The following MYH15 variants were observed in gnomAD, a reference collection of about 807,000 sequenced individuals.
MYH15 encodes the protein myosin-15.
In MYH15, 227 loss-of-function variants were observed where a neutral mutation model predicts 240.5. The ratio of observed to expected loss-of-function variants is 0.94; its 90% CI spans 0.85 to 1.05. The LOEUF (loss-of-function observed/expected upper bound fraction) is 1.05. Ranked by LOEUF, MYH15 falls within the 50% of genes least tolerant of loss-of-function variation. The pLI, the probability that MYH15 is intolerant of heterozygous loss-of-function variation, is 0.00. For synonymous variants in MYH15, 785 were observed against 796.7 expected (o/e 0.99, Z 0.25); for missense variants, 2,217 against 2,247.5 (o/e 0.99, Z 0.27).
At chr3:108,466,281 A>C (rs116483594) in intron 14 of MYH15, among the ~76,000 whole-genome samples, 4,260 of 152,302 alleles carry the variant, frequency 0.028, 177 homozygotes, top group African/African-American at 0.091. Flanking sequence ...GGTGTGTAGG[A>C]AAATTTTATT....
intron 32 of MYH15, among the ~76,000 whole-genome samples, chr3:108,405,759 C>A (rs1269609602): frequency 6.6e-6 from 1 of 152,012 alleles, no homozygotes; most frequent in African/African-American, 2.4e-5. Flanking sequence ...AATGTATTAC[C>A]CTTGACTTTT....
intron 5 of MYH15, 94 bp downstream of exon 5, chr3:108,499,361 T>C: frequency 2.4e-6 from 3 of 1,270,138 alleles, no homozygotes; most frequent in Non-Finnish European, 3.4e-6. Context: ...AATTCAAAGA[T>C]GGCGAATCAA....
chr3:108,408,896 G>T (rs1206133720), intron 31 of MYH15, among the ~76,000 whole-genome samples: 1 of 152,218 alleles, frequency 6.6e-6, no homozygotes, highest in Non-Finnish European at 1.5e-5. Context: ...GAATCAGAAG[G>T]GGCCCAAGGA....
chr3:108,401,813 G>C (rs1256771708), intron 33 of MYH15, among the ~76,000 whole-genome samples: 1 of 152,230 alleles, frequency 6.6e-6, no homozygotes, highest in African/African-American at 2.4e-5. Context: ...CAGTCCTGTA[G>C]AATGGCTGCT....
In MYH15 at chr3:108,430,542, C is replaced by A. The variant is rs373136890; in HGVS notation, c.3312+290G>T. On this transcript the variant is annotated intron_variant, in intron 26 of 40. Coordinates refer to ENST00000693548, the MANE Select transcript of MYH15 (RefSeq NM_014981.3). Reference sequence around the variant, plus strand: ...TTTAGTAATATGAGCTCAATCGTTGCCAGAAGGATTCATGAGTGAAAAAAC... The same window carrying A: ...TTTAGTAATATGAGCTCAATCGTTGACAGAAGGATTCATGAGTGAAAAAAC... Among the ~76,000 whole-genome samples the A allele has an allele frequency of 2.0e-5, 3 of 152,252 alleles. No individual in the cohort carries two copies. The South Asian group carries it at 6.2e-4, about 32-fold the overall frequency.
intron 2 of MYH15, among the ~76,000 whole-genome samples, chr3:108,502,908 C>A (rs1015822832): frequency 2.6e-5 from 4 of 152,142 alleles, no homozygotes; most frequent in African/African-American, 9.7e-5. Context: ...AGAACGTAAA[C>A]ATATCTCATA....
Position 108,410,947 on chromosome 3 carries a change from C to T in MYH15, c.4146-15G>A. On this transcript the variant is annotated splice_polypyrimidine_tract_variant and intron_variant, in intron 30 of 40. Coordinates refer to ENST00000693548, the MANE Select transcript of MYH15 (RefSeq NM_014981.3). ...CCAGTTCCTTCCTGAGAAAGGAGGA[C>T]ACCCAAAGAGTGAGTGAGGCAATAA... The T allele has an allele frequency of 1.3e-6, 2 of 1,578,082 alleles. No individual in the cohort carries two copies. The highest frequency in any genetic ancestry group is 1.7e-6 in the Non-Finnish European group (2 of 1,155,090).
At chr3:108,443,848 A>G (rs1198027756) in intron 22 of MYH15, among the ~76,000 whole-genome samples, 1 of 142,114 alleles carries the variant, frequency 7.0e-6, no homozygotes, top group Non-Finnish European at 1.5e-5. Context: ...CTGAGAGTGG[A>G]GTCTAGGCAT....
At chr3:108,413,857 G>A (rs1157870193) in intron 30 of MYH15, among the ~76,000 whole-genome samples, 2 of 152,076 alleles carry the variant, frequency 1.3e-5, no homozygotes, top group African/African-American at 4.8e-5. Context: ...ATGGAGACAC[G>A]TACACACATG....
rs1035393618 is a variant in MYH15 at position 108,413,203 on chromosome 3, C to T, written c.4145+1029G>A. ...AATACCATATTTGGATATAAGAGGG[C>T]ATCTCAGTTCAAAGCCAAAACTTTC... On this transcript the variant is annotated intron_variant, in intron 30 of 40. Transcript: ENST00000693548. 2.6e-5 allele frequency among the ~76,000 whole-genome samples: 4 copies of T among 152,302 alleles called. No individual in the cohort carries two copies. In the East Asian group the frequency reaches 5.8e-4, roughly 22 times the overall value.
chr3:108,384,104 G>A (rs918076796), intron 39 of MYH15, among the ~76,000 whole-genome samples: 3 of 152,096 alleles, frequency 2.0e-5, no homozygotes, highest in African/African-American at 7.2e-5. Flanking sequence ...GGGTCAACAG[G>A]TAATTATTAG....
intron 7 of MYH15, among the ~76,000 whole-genome samples, chr3:108,494,778 G>T (rs2083378604): frequency 6.6e-6 from 1 of 152,104 alleles, no homozygotes; most frequent in African/African-American, 2.4e-5. Flanking sequence ...ACAGGCATGA[G>T]CCACCACACC....
At position 108,416,155 on chromosome 3, in the gene MYH15, A is replaced by G. The variant is rs568837054; in HGVS notation, c.3948+657T>C. ...TGTATATAATATAGAAAGTATGGAG[A>G]GTTAAGGGAATAAAATGGTACAATA... On this transcript the variant is annotated intron_variant, in intron 29 of 40. Transcript: ENST00000693548. 3.9e-5 allele frequency among the ~76,000 whole-genome samples: 6 copies of G among 152,252 alleles called. No individual in the cohort carries two copies. In the South Asian group the frequency reaches 1.2e-3, roughly 32 times the overall value.
chr3:108,424,603 A>G (rs2082711768), intron 27 of MYH15, among the ~76,000 whole-genome samples: 1 of 152,190 alleles, frequency 6.6e-6, no homozygotes, highest in Admixed American at 6.5e-5. Context: ...AATAATCAAG[A>G]TAATTGTGAA....
intron 32 of MYH15, 135 bp downstream of exon 32, chr3:108,408,145 C>T (rs997865919): frequency 3.1e-6 from 3 of 968,750 alleles, no homozygotes; most frequent in Non-Finnish European, 4.5e-6. Context: ...TAAAATTATG[C>T]ATTTGGCAGA....
chr3:108,421,674 C>T (rs912096079), intron 27 of MYH15, among the ~76,000 whole-genome samples: 3 of 151,956 alleles, frequency 2.0e-5, no homozygotes, highest in Admixed American at 1.3e-4. Flanking sequence ...GGTGGAGAGG[C>T]AGACGAAGGG....
At chr3:108,495,125 C>T (rs112102771) in intron 7 of MYH15, among the ~76,000 whole-genome samples, 2 of 152,258 alleles carry the variant, frequency 1.3e-5, no homozygotes, top group East Asian at 1.9e-4. Context: ...TAATTATGCC[C>T]GGAGACTCAA....
intron 36 of MYH15, among the ~76,000 whole-genome samples, chr3:108,393,502 A>T (rs767539544): frequency 1.3e-5 from 2 of 152,214 alleles, no homozygotes; most frequent in Non-Finnish European, 2.9e-5. Context: ...TGAGCTCAAC[A>T]TCATTTAGGA....
intron 39 of MYH15, among the ~76,000 whole-genome samples, chr3:108,384,001 A>C (rs1332013436): frequency 6.6e-6 from 1 of 152,134 alleles, no homozygotes; most frequent in African/African-American, 2.4e-5. Flanking sequence ...ACAGACTGAA[A>C]ATGTGCTAGA....
Sources: allele counts gnomAD v4.1 joint callset (sites outside exome capture counted in the v4.1 genomes callset), GRCh38; gene constraint gnomAD v4.1.1; transcripts MANE v1.5; gene names NCBI Gene and HGNC (gene_info 2026-07-23, HGNC 2026-07-21).